RNGTT: variants seen among roughly 807,000 people sequenced by gnomAD.
RNGTT encodes the protein mRNA-capping enzyme.
RNGTT carries 33 observed loss-of-function variants against 79.3 expected under a neutral mutation model. The observed-to-expected ratio is 0.42, with a 90% confidence interval of 0.32 to 0.56. The LOEUF is 0.56. Among genes scored for constraint, RNGTT ranks in the 20% least tolerant of loss-of-function variants. The pLI, the probability that RNGTT is intolerant of heterozygous loss-of-function variation, is 0.17. For missense variants in RNGTT, 497 were observed against 739.1 expected, an observed-to-expected ratio of 0.67 and a Z score of 3.80; for synonymous variants, 222 against 235.9, an observed-to-expected ratio of 0.94 and a Z score of 0.54.
intron 13 of RNGTT, among the ~76,000 whole-genome samples, chr6:88,738,993 C>A (rs1777377883): frequency 6.6e-6 from 1 of 151,858 alleles, no homozygotes; most frequent in Non-Finnish European, 1.5e-5. Context: ...TTATTCCTTA[C>A]TTTAGAAAAC....
At chr6:88,788,634 G>A (rs1779306910) in intron 12 of RNGTT, among the ~76,000 whole-genome samples, 1 of 152,178 alleles carries the variant, frequency 6.6e-6, no homozygotes, top group African/African-American at 2.4e-5. Flanking sequence ...CACTGCAATG[G>A]AAACAGAATG....
rs184922213 is a variant in RNGTT at position 88,805,483 on chromosome 6, G to T, written c.1270-3851C>A. On this transcript the variant is annotated intron_variant, in intron 11 of 15. Transcript: ENST00000369485. Reference sequence around the variant, plus strand: ...CTTTCCAAACCCTTCTTGATATGATGCAAAAGTTACCTGGGAATAAATCCA... The same window carrying T: ...CTTTCCAAACCCTTCTTGATATGATTCAAAAGTTACCTGGGAATAAATCCA... Among the ~76,000 whole-genome samples the T allele has an allele frequency of 1.7e-3, 260 of 152,240 alleles. 1 individual carries two copies. The highest frequency in any genetic ancestry group is 0.017 in the Middle Eastern group (5 of 294).
chr6:88,928,630 C>T (rs887477645), intron 4 of RNGTT, among the ~76,000 whole-genome samples: 2 of 151,996 alleles, frequency 1.3e-5, no homozygotes, highest in African/African-American at 4.8e-5. Context: ...ATTACATCAC[C>T]ATACATTGCT....
At chr6:88,706,928 C>T (rs1259953496) in intron 13 of RNGTT, among the ~76,000 whole-genome samples, 1 of 151,998 alleles carries the variant, frequency 6.6e-6, no homozygotes, top group Non-Finnish European at 1.5e-5. Flanking sequence ...CTTCATCAAA[C>T]GACGAAGACA....
At chr6:88,889,440 T>A (rs1447650268) in intron 8 of RNGTT, among the ~76,000 whole-genome samples, 7 of 152,146 alleles carry the variant, frequency 4.6e-5, no homozygotes, top group Admixed American at 1.3e-4. Context: ...TAACTACATG[T>A]TAAATGGAGA....
At chr6:88,908,813 C>T (rs1783741635) in intron 4 of RNGTT, among the ~76,000 whole-genome samples, 1 of 152,192 alleles carries the variant, frequency 6.6e-6, no homozygotes, top group African/African-American at 2.4e-5. Flanking sequence ...TGTATCTGAT[C>T]CACATGCCCC....
At chr6:88,649,982 A>G (rs749236065) in intron 14 of RNGTT, among the ~76,000 whole-genome samples, 1 of 152,150 alleles carries the variant, frequency 6.6e-6, no homozygotes, top group Admixed American at 6.5e-5. Flanking sequence ...TTTTTCTCCC[A>G]AACTATAATT....
chr6:88,741,578 G>A (rs1777493519), intron 13 of RNGTT, among the ~76,000 whole-genome samples: 1 of 151,960 alleles, frequency 6.6e-6, no homozygotes, highest in Non-Finnish European at 1.5e-5. Context: ...CCTCCTGAAT[G>A]TAAAATAAAA....
At chr6:88,640,609 T>C (rs80107784) in intron 14 of RNGTT, among the ~76,000 whole-genome samples, 343 of 149,790 alleles carry the variant, frequency 2.3e-3, no homozygotes, top group African/African-American at 7.8e-3. Flanking sequence ...TCTGAGGTGA[T>C]GTTGAAATTG....
intron 7 of RNGTT, 25 bp from the exon 8 acceptor site, chr6:88,890,621 A>G: frequency 6.6e-7 from 1 of 1,526,450 alleles, no homozygotes. Context: ...CAGTATTACT[A>G]TCGTGGCTGG....
rs187667511 is a variant in RNGTT, at chr6:88,678,150, C to T, written c.1506+203G>A. ...TATAGGCACATGCCACTGAACTTGG[C>T]TAATGACAAAAAATTTTTCTTTTTG... On this transcript the variant is annotated intron_variant, in intron 14 of 15. Coordinates refer to ENST00000369485, the MANE Select transcript of RNGTT (RefSeq NM_003800.5). The T allele has an allele frequency of 1.1e-5, 12 of 1,109,258 alleles. No homozygotes were observed. The East Asian group carries it at 4.7e-4, about 44-fold the overall frequency. 68.7% of individuals were successfully genotyped at this position (1,109,258 alleles called of 1,614,324 possible).
intron 13 of RNGTT, among the ~76,000 whole-genome samples, chr6:88,755,941 C>A (rs556238508): frequency 9.0e-6 from 1 of 110,936 alleles, no homozygotes. Flanking sequence ...GCCTGGCCAA[C>A]AGAGTGAGAC....
intron 13 of RNGTT, among the ~76,000 whole-genome samples, chr6:88,682,075 A>C (rs1775113737): frequency 6.6e-6 from 1 of 152,204 alleles, no homozygotes; most frequent in Non-Finnish European, 1.5e-5. Flanking sequence ...AGAACTTGTC[A>C]GGTAATAGAA....
chr6:88,838,732 A>G (rs570861307), intron 11 of RNGTT, among the ~76,000 whole-genome samples: 1 of 152,272 alleles, frequency 6.6e-6, no homozygotes, highest in African/African-American at 2.4e-5. Context: ...AAATCCCAGT[A>G]GGCTTTTTTG....
At chr6:88,811,968 G>T (rs1347543421) in intron 11 of RNGTT, among the ~76,000 whole-genome samples, 1 of 151,962 alleles carries the variant, frequency 6.6e-6, no homozygotes, top group Admixed American at 6.6e-5. Context: ...AATCTTTATT[G>T]GTTTTCAATC....
intron 1 of RNGTT, among the ~76,000 whole-genome samples, chr6:88,944,922 A>G (rs1231199468): frequency 6.6e-6 from 1 of 152,188 alleles, no homozygotes; most frequent in Non-Finnish European, 1.5e-5. Context: ...TATTTTGTAC[A>G]CCATCTTTTT....
At chr6:88,876,873 C>G (rs1030245602) in intron 8 of RNGTT, among the ~76,000 whole-genome samples, 1 of 152,168 alleles carries the variant, frequency 6.6e-6, no homozygotes, top group Non-Finnish European at 1.5e-5. Context: ...CTGCTCAGCT[C>G]TAAGAGTTCT....
intron 12 of RNGTT, among the ~76,000 whole-genome samples, chr6:88,796,979 C>T (rs967115266): frequency 2.0e-5 from 3 of 152,094 alleles, no homozygotes; most frequent in African/African-American, 7.2e-5. Flanking sequence ...CACCTTTTCC[C>T]TAATTCTCTA....
At position 88,611,010 on chromosome 6, in the gene RNGTT, A is replaced by G. The variant is rs751120429; in HGVS notation, c.*1709T>C. On this transcript the variant is annotated 3_prime_UTR_variant, in exon 16 of 16. Coordinates refer to ENST00000369485, the MANE Select transcript of RNGTT (RefSeq NM_003800.5). ...AACCTTGAGAATTTTCCCTCCTTCA[A>G]TAGTCATTGTGGCATCAGTTGTTTT... 6.6e-6 allele frequency: 1 copy of G among 152,146 alleles called. No individual in the cohort carries two copies. Among genetic ancestry groups the G allele is most frequent in the African/African-American group, 2.4e-5 (1 of 41,426 alleles). The allele number at this position is 152,146 out of a possible 1,614,324, so 9.4% of individuals were successfully genotyped here.
Sources: allele counts gnomAD v4.1 joint callset (sites outside exome capture counted in the v4.1 genomes callset), GRCh38; gene constraint gnomAD v4.1.1; transcripts MANE v1.5; gene names NCBI Gene and HGNC (gene_info 2026-07-23, HGNC 2026-07-21).